Variants in ACOXL observed in about 807,000 individuals in gnomAD.
ACOXL encodes acyl-coenzyme A oxidase-like protein.
In ACOXL, 70 loss-of-function variants were observed where a neutral mutation model predicts 71.9. The ratio of observed to expected loss-of-function variants is 0.97; its 90% CI spans 0.80 to 1.19. ACOXL has a LOEUF of 1.19. ACOXL is among the 50% of genes most tolerant of loss of function. The probability of loss-of-function intolerance (pLI) is 0.00; values close to 1 mark genes in which losing one functional copy is unlikely to be tolerated. For synonymous variants in ACOXL, 253 were observed against 281.6 expected (o/e 0.90, Z 1.02); for missense variants, 703 against 736.3 (o/e 0.95, Z 0.52).
At chr2:111,054,020 C>G in intron 16 of ACOXL, among the ~76,000 whole-genome samples, 1 of 152,204 alleles carries the variant, frequency 6.6e-6, no homozygotes, top group East Asian at 1.9e-4. Flanking sequence ...CAAGCCTTCC[C>G]TGCTCTAGTG....
chr2:110,873,794 C>T (rs1281862797), intron 10 of ACOXL, among the ~76,000 whole-genome samples: 1 of 152,210 alleles, frequency 6.6e-6, no homozygotes, highest in Non-Finnish European at 1.5e-5. Context: ...TACGTCTGTC[C>T]AGTAGGGCAG....
At chr2:111,117,416 GT>G (rs989194370) in intron 17 of ACOXL, among the ~76,000 whole-genome samples, 199 bp from the exon 18 acceptor site, 5 of 152,234 alleles carry the variant, frequency 3.3e-5, no homozygotes, top group Non-Finnish European at 7.3e-5. Context: ...ACTGGGCTAG[GT>G]GTCAGAGTTG....
At chr2:110,841,489 C>T in intron 10 of ACOXL, 84 bp downstream of exon 10, 1 of 1,172,750 alleles carries the variant, frequency 8.5e-7, no homozygotes, top group East Asian at 2.5e-5. Flanking sequence ...AGATTTTGAG[C>T]TTTTTTTTGG....
At chr2:110,767,493 C>T (rs1681243034) in intron 1 of ACOXL, among the ~76,000 whole-genome samples, 1 of 152,190 alleles carries the variant, frequency 6.6e-6, no homozygotes, top group Admixed American at 6.5e-5. Context: ...CAGGTCACCT[C>T]TTGGGCAGGC....
chr2:110,990,164 C>T (rs974184653), intron 13 of ACOXL, among the ~76,000 whole-genome samples: 1 of 152,166 alleles, frequency 6.6e-6, no homozygotes, highest in Non-Finnish European at 1.5e-5. Context: ...TATATACTTG[C>T]AGAAAATTGA....
At chr2:111,115,294 T>A (rs180905001) in intron 17 of ACOXL, among the ~76,000 whole-genome samples, 7 of 152,320 alleles carry the variant, frequency 4.6e-5, no homozygotes, top group Non-Finnish European at 1.5e-5. Flanking sequence ...ATACACTGCT[T>A]AGCCCCATAT....
chr2:110,932,174 A>G (rs1008211148), intron 11 of ACOXL, among the ~76,000 whole-genome samples: 1 of 152,224 alleles, frequency 6.6e-6, no homozygotes, highest in African/African-American at 2.4e-5. Flanking sequence ...AAGCAAGACA[A>G]CACACACTCT....
intron 10 of ACOXL, among the ~76,000 whole-genome samples, chr2:110,851,962 AGAGAGCAGGACG>A (rs1047139564): frequency 2.4e-4 from 36 of 152,344 alleles, no homozygotes; most frequent in African/African-American, 8.4e-4. Context: ...AGTGCAGGGC[AGAGAGCAGGACG>A]GAGAGAGAAT....
chr2:110,972,647 G>A (rs554396638), intron 12 of ACOXL, among the ~76,000 whole-genome samples: 7 of 95,678 alleles, frequency 7.3e-5, no homozygotes, highest in South Asian at 7.6e-4. Flanking sequence ...ACACACACAC[G>A]TGCACACACA....
At chr2:110,747,692 A>G (rs567680008) in intron 1 of ACOXL, among the ~76,000 whole-genome samples, 15 of 152,300 alleles carry the variant, frequency 9.8e-5, no homozygotes, top group South Asian at 2.1e-4. Flanking sequence ...CAGGGGAGGA[A>G]GAGCCACCAG....
At chr2:110,855,877 A>G (rs571346044) in intron 10 of ACOXL, among the ~76,000 whole-genome samples, 26 of 152,290 alleles carry the variant, frequency 1.7e-4, no homozygotes, top group African/African-American at 5.3e-4. Context: ...CAAAAGGACA[A>G]AGTTTCCACA....
intron 1 of ACOXL, among the ~76,000 whole-genome samples, chr2:110,741,559 G>A (rs1336784404): frequency 2.0e-5 from 3 of 152,158 alleles, no homozygotes; most frequent in Non-Finnish European, 4.4e-5. Context: ...CCGCGTGTTT[G>A]TGTGTGTATA....
rs3789125 is a variant in ACOXL, at chr2:110,947,784, C to T, written c.1059+14142C>T. Among the ~76,000 whole-genome samples the T allele has an allele frequency of 8.3e-3, 1,257 of 152,308 alleles. 41 individuals carry two copies. The East Asian group carries it at 0.12, about 14-fold the overall frequency. On this transcript the variant is annotated intron_variant, in intron 12 of 17. Transcript: ENST00000439055. The stretch of plus-strand genomic sequence containing the variant: ...AACACACCACAGGGTCTCCACTGCC[C>T]CTCCACTTGGGAGAGCTGGAACTCA...
chr2:110,873,800 G>A (rs1573936242), intron 10 of ACOXL, among the ~76,000 whole-genome samples: 1 of 152,206 alleles, frequency 6.6e-6, no homozygotes, highest in Non-Finnish European at 1.5e-5. Flanking sequence ...TGTCCAGTAG[G>A]GCAGGTTTAT....
At chr2:110,842,895 A>G (rs1573788406) in intron 10 of ACOXL, among the ~76,000 whole-genome samples, 1 of 152,144 alleles carries the variant, frequency 6.6e-6, no homozygotes, top group Non-Finnish European at 1.5e-5. Context: ...TTCCGGTCCT[A>G]TGAGTGCATG....
At chr2:110,776,648 A>G (rs1453757026) in intron 2 of ACOXL, among the ~76,000 whole-genome samples, 1 of 152,050 alleles carries the variant, frequency 6.6e-6, no homozygotes, top group Non-Finnish European at 1.5e-5. Context: ...GTCAGTCACC[A>G]TGTGGTGTGA....
At chr2:110,956,504 A>C (rs918291237) in intron 12 of ACOXL, among the ~76,000 whole-genome samples, 1 of 152,076 alleles carries the variant, frequency 6.6e-6, no homozygotes, top group Non-Finnish European at 1.5e-5. Flanking sequence ...AGGAGACCCA[A>C]CCCAGATCTC....
chr2:111,103,100 G>A (rs1374989564), intron 17 of ACOXL, among the ~76,000 whole-genome samples: 4 of 152,082 alleles, frequency 2.6e-5, no homozygotes, highest in African/African-American at 9.7e-5. Context: ...AGACCAGCCT[G>A]GCCAACATGG....
chr2:110,933,274 T>C (rs2060544152), intron 11 of ACOXL, among the ~76,000 whole-genome samples: 1 of 152,232 alleles, frequency 6.6e-6, no homozygotes, highest in South Asian at 2.1e-4. Context: ...TGCTCTTGTG[T>C]TTCATTGACT....
Sources: gnomAD v4.1 joint callset for allele counts (sites outside exome capture counted in the v4.1 genomes callset) on GRCh38, gnomAD v4.1.1 for gene constraint, MANE v1.5 for transcripts, NCBI Gene and HGNC (gene_info 2026-07-23, HGNC 2026-07-21) for gene names.